Variants in KCNH4 observed in about 807,000 individuals in gnomAD.
KCNH4 encodes voltage-gated delayed rectifier potassium channel KCNH4.
Under a neutral mutation model 90.7 loss-of-function variants are expected in KCNH4, and 33 were observed. The observed-to-expected ratio is 0.36, with a 90% confidence interval of 0.28 to 0.49. KCNH4 has a LOEUF of 0.49. Among genes scored for constraint, KCNH4 ranks in the 20% least tolerant of loss-of-function variants. KCNH4 has a pLI of 0.98. For synonymous variants in KCNH4, 551 were observed against 581.7 expected (o/e 0.95, Z 0.76); for missense variants, 1,044 against 1,387.1 (o/e 0.75, Z 3.93).
rs755934067 is a variant in KCNH4, at chr17:42,160,050, G to A, written c.3044C>T (p.Thr1015Met). 19 of 1,522,968 alleles carry A rather than the reference G, an allele frequency of 1.2e-5. No individual in the cohort carries two copies. The highest frequency in any genetic ancestry group is 3.8e-4 in the Middle Eastern group (2 of 5,316). 94.3% of individuals were successfully genotyped at this position (1,522,968 alleles called of 1,614,324 possible). The change falls in exon 16 of 17, where the codon ACG becomes ATG. Residue 1015 changes from threonine (T) to methionine (M), a missense_variant. Physicochemically the swap from Thr to Met is moderately conservative, Grantham distance 81. Coordinates refer to ENST00000264661, the MANE Select transcript of KCNH4 (RefSeq NM_012285.3). Reference sequence around the variant, plus strand: ...GGCCCTGGGCCAGGGTCAGTGGAACGTGTCTGACCTGGACTGGAAACTGTG... The same window carrying A: ...GGCCCTGGGCCAGGGTCAGTGGAACATGTCTGACCTGGACTGGAAACTGTG... Reference protein sequence around the residue: ...LRHSFQSRSDTFH With the variant: ...LRHSFQSRSDMFH
At chr17:42,162,112 T>C in intron 15 of KCNH4, 136 bp downstream of exon 15, 6 of 674,642 alleles carry the variant, frequency 8.9e-6, no homozygotes, top group Non-Finnish European at 1.5e-5. Flanking sequence ...GCCTGGCTAA[T>C]TTTTGTATTT....
chr17:42,162,485 C>G (rs966221557), intron 14 of KCNH4, among the ~76,000 whole-genome samples, 164 bp from the exon 15 acceptor site: 1 of 152,142 alleles, frequency 6.6e-6, no homozygotes, highest in Non-Finnish European at 1.5e-5. Flanking sequence ...TTCTGAGGCC[C>G]CTGTGTAACT....
In KCNH4 at chr17:42,160,228, C is replaced by T. The variant is rs771077007; in HGVS notation, c.2866G>A (p.Val956Ile). ...GTCCCCACACTGGCTGGGCAGTGAA[C>T]TTCAGCAAGCGTAGTATCCTGGAGG... ...PSLQDTTLAE[V>I]HCPASVGTME... is the part of the protein sequence containing the mutation. Residue 956 changes from valine (V) to isoleucine (I), a missense_variant, in exon 16 of 17, where the codon GTT (valine) becomes ATT (isoleucine). Physicochemically the swap from Val to Ile is conservative, Grantham distance 29. Around this residue, in one of 4 missense-constraint regions of KCNH4, gnomAD observed 441 missense variants for 512.3 expected, o/e 0.86. Transcript: ENST00000264661. The T allele has an allele frequency of 3.7e-6, 6 of 1,614,038 alleles. No individual in the cohort carries two copies. Among genetic ancestry groups the T allele is most frequent in the Non-Finnish European group, 5.1e-6 (6 of 1,179,940 alleles).
At chr17:42,178,683 T>G in intron 2 of KCNH4, 110 bp downstream of exon 2, 1 of 1,165,634 alleles carries the variant, frequency 8.6e-7, no homozygotes, top group Non-Finnish European at 1.2e-6. Context: ...TCCGTCACAG[T>G]CAGCTTTTGG....
rs375151261 is a variant in KCNH4, at chr17:42,162,368, G to A, written c.2585-47C>T. 3.9e-6 allele frequency: 6 copies of A among 1,541,454 alleles called. No individual in the cohort carries two copies. The African/African-American group carries it at 8.2e-5, about 21-fold the overall frequency. ...GTGAGTTCATGGAGCATTAATACCT[G>A]AGCCTATAACTTGGGCTGGAATCCT... is the stretch of plus-strand genomic sequence containing the variant. On this transcript the variant is annotated intron_variant, in intron 14 of 16. Coordinates refer to ENST00000264661, the MANE Select transcript of KCNH4 (RefSeq NM_012285.3).
chr17:42,167,576 T>A (rs2079796794), intron 9 of KCNH4, among the ~76,000 whole-genome samples: 1 of 152,024 alleles, frequency 6.6e-6, no homozygotes, highest in Non-Finnish European at 1.5e-5. Context: ...AAGAGCTGAT[T>A]CCCATCTACC....
At chr17:42,169,761 A>C in intron 8 of KCNH4, 85 bp from the exon 9 acceptor site, 1 of 1,417,182 alleles carries the variant, frequency 7.1e-7, no homozygotes, top group African/African-American at 1.4e-5. Flanking sequence ...TCCTGGACCA[A>C]GAGCCAGCGG....
At chr17:42,173,210 CT>C (rs2079839375) in intron 6 of KCNH4, among the ~76,000 whole-genome samples, 1 of 151,992 alleles carries the variant, frequency 6.6e-6, no homozygotes, top group Non-Finnish European at 1.5e-5. Context: ...GCCTGGGGAA[CT>C]TGGTATGAAA....
In KCNH4 at chr17:42,163,238, C is replaced by T. The variant is rs374223230; in HGVS notation, c.2574G>A (p.Ala858=). ...RPELPRPRSQ[A]PPTGTRPSPE... ...ACTGTTGGCCCTTACCTGTAGGGGG[C>T]GCCTGGGAGCGGGGCCTTGGCAGTT... The change falls in exon 14 of 17, where the codon GCG becomes GCA. Residue 858 remains alanine (A), a synonymous_variant. Transcript: ENST00000264661. The surrounding 1 kb of genome is among the most constrained non-coding windows in gnomAD (Gnocchi z 5.4). The T allele has an allele frequency of 3.1e-5, 50 of 1,612,420 alleles. No individual in the cohort carries two copies. The highest frequency in any genetic ancestry group is 2.5e-4 in the Admixed American group (15 of 60,000).
chr17:42,174,724 A>G (rs143651445), intron 6 of KCNH4, among the ~76,000 whole-genome samples: 169 of 152,134 alleles, frequency 1.1e-3, no homozygotes, highest in African/African-American at 4.0e-3. Flanking sequence ...TGGACTTGAG[A>G]AGACCTACTA....
In KCNH4 at chr17:42,170,277, C is replaced by G; in HGVS notation, c.1220G>C (p.Arg407Pro). ...DIGWLHELGK[R>P]LEVPYVNGSV... ...GCCATTGACATAGGGCACCTCCAGA[C>G]GCTTGCCCAACTCATGCAACCAGCC... The change falls in exon 8 of 17, where the codon CGT becomes CCT. Residue 407 changes from arginine to proline, a missense_variant. Coordinates refer to ENST00000264661, the MANE Select transcript of KCNH4 (RefSeq NM_012285.3). 1 of 1,599,042 alleles carries G rather than the reference C, an allele frequency of 6.3e-7. No individual in the cohort carries two copies. The highest frequency in any genetic ancestry group is 8.5e-7 in the Non-Finnish European group (1 of 1,177,590).
rs530624604 is a variant in KCNH4, at chr17:42,163,253, C to T, written c.2559G>A (p.Arg853=). The T allele has an allele frequency of 4.0e-5, 65 of 1,614,014 alleles. No homozygotes were observed. The South Asian group carries it at 6.6e-4, about 16-fold the overall frequency. Residue 853 remains arginine (R), a synonymous_variant, in exon 14 of 17, where the codon AGG becomes AGA. Coordinates refer to ENST00000264661, the MANE Select transcript of KCNH4 (RefSeq NM_012285.3). The surrounding 1 kb of genome is among the most constrained non-coding windows in gnomAD (Gnocchi z 5.4). ...CTGTAGGGGGCGCCTGGGAGCGGGG[C>T]CTTGGCAGTTCAGGCCTCCTGCTGA... ...FRFSRRPELP[R]PRSQAPPTGT... is the part of the protein sequence containing the mutation.
chr17:42,164,025 C>G (rs904363216), intron 12 of KCNH4, 67 bp from the exon 13 acceptor site: 17 of 1,502,602 alleles, frequency 1.1e-5, no homozygotes, highest in Middle Eastern at 2.3e-4. Context: ...TAAGTAAGAG[C>G]CTTCGCCGGC....
rs562998329 is a variant in KCNH4 at position 42,167,233 on chromosome 17, G to A, written c.1591-687C>T. 3.7e-3 allele frequency among the ~76,000 whole-genome samples: 566 copies of A among 152,112 alleles called. 7 individuals are homozygous for A. Among genetic ancestry groups the A allele is most frequent in the African/African-American group, 0.013 (539 of 41,478 alleles). ...CCCATGGCTTCCCTACTACCTGAGT[G>A]CCCTGAGCCCTAACTCTGGGTCCAG... On this transcript the variant is annotated intron_variant, in intron 9 of 16. Transcript: ENST00000264661.
rs1267514144 is a variant in KCNH4, at chr17:42,163,274, G to A, written c.2538C>T (p.Ser846=). 1 of 1,614,106 alleles carries A rather than the reference G, an allele frequency of 6.2e-7. No homozygotes were observed. Among genetic ancestry groups the A allele is most frequent in the African/African-American group, 1.3e-5 (1 of 75,058 alleles). The change falls in exon 14 of 17, where the codon AGC becomes AGT. Residue 846 remains serine, a synonymous_variant. Transcript: ENST00000264661. This position sits in a 1 kb window ranked among gnomAD's most constrained non-coding sequence, Gnocchi z 5.4. ...GGGGCCTTGGCAGTTCAGGCCTCCTGCTGAATCGGAATGAAGGGGCCTCAG... is the reference window on the plus strand; with the variant it reads ...GGGGCCTTGGCAGTTCAGGCCTCCTACTGAATCGGAATGAAGGGGCCTCAG... ...STAEAPSFRF[S]RRPELPRPRS... is the part of the protein sequence containing the mutation.
rs377428318 is a variant in KCNH4 at position 42,166,471 on chromosome 17, A to G, written c.1666T>C (p.Leu556=). Residue 556 remains leucine (L), a synonymous_variant, in exon 10 of 17, where the codon TTG becomes CTG. Coordinates refer to ENST00000264661, the MANE Select transcript of KCNH4 (RefSeq NM_012285.3). ...CAGCCCCTGCTCGCTGCCCCGAACA[A>G]CGGCAGCTGCAGGATCTCCCGATTC... ...HLNREILQLP[L]FGAASRGCLR... 1 of 1,614,024 alleles carries G rather than the reference A, an allele frequency of 6.2e-7. No individual in the cohort carries two copies. Among genetic ancestry groups the G allele is most frequent in the Non-Finnish European group, 8.5e-7 (1 of 1,179,956 alleles).
At chr17:42,170,440 G>A (rs2079819723) in intron 7 of KCNH4, 139 bp from the exon 8 acceptor site, 1 of 678,672 alleles carries the variant, frequency 1.5e-6, no homozygotes, top group Admixed American at 3.2e-5. Flanking sequence ...GCCTGGGCCT[G>A]TGTCTCCCCA....
chr17:42,164,817 A>T (rs116276501), intron 11 of KCNH4, among the ~76,000 whole-genome samples: 7 of 141,522 alleles, frequency 4.9e-5, no homozygotes, highest in African/African-American at 1.8e-4. Flanking sequence ...AACAAAAACG[A>T]AAACAAGACC....
intron 2 of KCNH4, 28 bp from the exon 3 acceptor site, chr17:42,178,505 G>A (rs2144143727): frequency 1.2e-6 from 2 of 1,613,098 alleles, no homozygotes; most frequent in Non-Finnish European, 8.5e-7. Flanking sequence ...GGGAAGGGAG[G>A]AGCATGGGCA....
Sources: allele counts gnomAD v4.1 joint callset (sites outside exome capture counted in the v4.1 genomes callset), GRCh38; gene constraint gnomAD v4.1.1; regional missense constraint gnomAD v4.1.1; non-coding constraint Gnocchi (gnomAD v3.1); transcripts MANE v1.5; gene names NCBI Gene and HGNC (gene_info 2026-07-23, HGNC 2026-07-21).